Variants in VSTM1 observed in about 807,000 individuals in gnomAD.
VSTM1 encodes V-set and transmembrane domain-containing protein 1.
VSTM1 carries 27 observed loss-of-function variants against 33.1 expected under a neutral mutation model. The ratio of observed to expected loss-of-function variants is 0.82; its 90% CI spans 0.60 to 1.12. The LOEUF is 1.12. VSTM1 is among the 50% of genes most tolerant of loss of function. The pLI is 0.00. For synonymous variants in VSTM1, 115 were observed against 110.3 expected (o/e 1.04, Z -0.27); for missense variants, 304 against 288.9 (o/e 1.05, Z -0.38).
chr19:54,059,776 A>T (rs1338229786), intron 1 of VSTM1, among the ~76,000 whole-genome samples: 3 of 143,492 alleles, frequency 2.1e-5, no homozygotes, highest in African/African-American at 7.8e-5. Flanking sequence ...GCCCGGCCTG[A>T]TTGCAGTTTT....
intron 4 of VSTM1, among the ~76,000 whole-genome samples, chr19:54,046,791 T>C (rs1402798407): frequency 1.3e-5 from 2 of 152,204 alleles, no homozygotes; most frequent in Non-Finnish European, 2.9e-5. Context: ...CGACCTTCTC[T>C]GTCTCCACTG....
At chr19:54,056,228 T>C (rs1375751870) in intron 3 of VSTM1, among the ~76,000 whole-genome samples, 1 of 108,858 alleles carries the variant, frequency 9.2e-6, no homozygotes, top group African/African-American at 3.6e-5. Context: ...TTTTTTTTTT[T>C]TTTTTTTTTT....
At chr19:54,041,979 G>C (rs1346186637) in intron 6 of VSTM1, 26 bp from the exon 7 acceptor site, 2 of 1,614,116 alleles carry the variant, frequency 1.2e-6, no homozygotes, top group Non-Finnish European at 1.7e-6. Context: ...ACACGTGAAA[G>C]GATGGGATGT....
intron 4 of VSTM1, chr19:54,048,322 T>G: frequency 2.7e-6 from 1 of 372,202 alleles, no homozygotes; most frequent in Non-Finnish European, 5.4e-6. Context: ...TACCAAGTTG[T>G]CCAGGCTGGT....
chr19:54,041,361 G>T (rs1163052132), intron 8 of VSTM1, among the ~76,000 whole-genome samples: 4 of 151,788 alleles, frequency 2.6e-5, no homozygotes, highest in Admixed American at 2.6e-4. Context: ...GAGTGCGGTG[G>T]CGTGATCTCG....
At chr19:54,053,450 TA>T (rs2070948257) in intron 3 of VSTM1, among the ~76,000 whole-genome samples, 1 of 143,018 alleles carries the variant, frequency 7.0e-6, no homozygotes, top group South Asian at 2.3e-4. Context: ...TTACATTACA[TA>T]AAACTCTGTT....
intron 3 of VSTM1, 52 bp from the exon 4 acceptor site, chr19:54,051,500 G>A (rs1317396383): frequency 1.4e-6 from 2 of 1,461,274 alleles, no homozygotes; most frequent in Non-Finnish European, 1.9e-6. Context: ...CAGGAACCTT[G>A]GGGACAGGAG....
At chr19:54,044,018 C>T (rs191046756) in intron 4 of VSTM1, among the ~76,000 whole-genome samples, 29 of 152,154 alleles carry the variant, frequency 1.9e-4, no homozygotes, top group Admixed American at 7.2e-4. Context: ...TCAAGTGGTC[C>T]TCCTCACTCG....
intron 3 of VSTM1, among the ~76,000 whole-genome samples, chr19:54,052,262 G>A (rs1401309015): frequency 1.3e-5 from 2 of 150,110 alleles, no homozygotes; most frequent in Non-Finnish European, 3.0e-5. Flanking sequence ...GCCGAGCGTG[G>A]TGGCGGGCCC....
chr19:54,052,117 G>A (rs1308159004), intron 3 of VSTM1, among the ~76,000 whole-genome samples: 1 of 152,080 alleles, frequency 6.6e-6, no homozygotes, highest in Non-Finnish European at 1.5e-5. Flanking sequence ...TCACCTACTT[G>A]GCCGGGCGCA....
intron 3 of VSTM1, among the ~76,000 whole-genome samples, chr19:54,052,216 G>A (rs1251118195): frequency 1.3e-5 from 2 of 149,756 alleles, no homozygotes; most frequent in Admixed American, 6.7e-5. Flanking sequence ...GGCTAACATG[G>A]TGAAACCCCG....
At chr19:54,053,283 C>T (rs79425783) in intron 3 of VSTM1, among the ~76,000 whole-genome samples, 9,008 of 141,252 alleles carry the variant, frequency 0.064, 1,675 homozygotes, top group Admixed American at 0.12. Context: ...ATGCTTGTGG[C>T]AGATAGACCC....
chr19:54,040,985 A>G lies in VSTM1; in HGVS notation c.687T>C (p.His229=). ...GCTACACTTTCAGTGCCGCATATTC[A>G]TGAGATCCTGGGGGCTCCTGGGTGG... is the stretch of plus-strand genomic sequence containing the variant. ...SDTTQEPPGS[H]EYAALKV is the part of the protein sequence containing the mutation. Residue 229 remains histidine (H), a synonymous_variant, in exon 9 of 9, where the codon CAT becomes CAC. Coordinates refer to ENST00000338372, the MANE Select transcript of VSTM1 (RefSeq NM_198481.4). 6.2e-7 allele frequency: 1 copy of G among 1,610,754 alleles called. No individual in the cohort carries two copies. The highest frequency in any genetic ancestry group is 1.1e-5 in the South Asian group (1 of 90,846).
intron 1 of VSTM1, among the ~76,000 whole-genome samples, chr19:54,059,739 G>GT (rs1270040084): frequency 1.3e-5 from 2 of 152,110 alleles, no homozygotes; most frequent in Non-Finnish European, 2.9e-5. Flanking sequence ...CTCCCAAAGC[G>GT]CTGGGATTAC....
At chr19:54,056,832 G>A (rs1427342917) in intron 3 of VSTM1, among the ~76,000 whole-genome samples, 3 of 138,256 alleles carry the variant, frequency 2.2e-5, no homozygotes, top group Non-Finnish European at 4.8e-5. Context: ...TTTCCACATT[G>A]AAGGTGTTGC....
rs1555752452 is a variant in VSTM1, at chr19:54,042,816, A to ATATATATG, written c.395-448_395-447insCATATATA. Among the ~76,000 whole-genome samples the ATATATATG allele has an allele frequency of 4.3e-3, 238 of 54,942 alleles. 2 individuals are homozygous for ATATATATG. Among genetic ancestry groups the ATATATATG allele is most frequent in the African/African-American group, 0.012 (192 of 16,056 alleles). The allele number at this position is 54,942 out of a possible 152,430, so 36.0% of individuals were successfully genotyped here. ...TGTATATATAAATGTGTATATATAT[A>ATATATATG]TATATATATATATATATATATACAT... On this transcript the variant is annotated intron_variant, in intron 4 of 8. Transcript: ENST00000338372.
At chr19:54,057,300 CCT>C (rs1244109165) in intron 3 of VSTM1, among the ~76,000 whole-genome samples, 2 of 139,762 alleles carry the variant, frequency 1.4e-5, no homozygotes, top group African/African-American at 2.6e-5. Flanking sequence ...AGGAGGATCA[CCT>C]GAGCTCAGGA....
At chr19:54,049,257 A>G (rs937501971) in intron 4 of VSTM1, among the ~76,000 whole-genome samples, 15 of 152,232 alleles carry the variant, frequency 9.9e-5, no homozygotes, top group Non-Finnish European at 2.1e-4. Flanking sequence ...AGGATCACAT[A>G]GTGTATGAAT....
At chr19:54,055,606 C>T (rs775123341) in intron 3 of VSTM1, 1 of 143,174 alleles carries the variant, frequency 7.0e-6, no homozygotes, top group Non-Finnish European at 1.5e-5. Context: ...CATTACTTGT[C>T]ACGTTCCAGA....
Sources: gnomAD v4.1 joint callset for allele counts (sites outside exome capture counted in the v4.1 genomes callset) on GRCh38, gnomAD v4.1.1 for gene constraint, MANE v1.5 for transcripts, NCBI Gene and HGNC (gene_info 2026-07-23, HGNC 2026-07-21) for gene names.